FBXL20: variants seen among roughly 807,000 people sequenced by gnomAD.
FBXL20 encodes F-box/LRR-repeat protein 20.
A neutral mutation model predicts 64.0 loss-of-function variants in FBXL20; 11 were observed. That is an observed-to-expected ratio of 0.17 (90% confidence interval 0.11 to 0.28). The LOEUF (loss-of-function observed/expected upper bound fraction) is 0.28, where lower values mean the gene tolerates loss of function less well. Among genes scored for constraint, FBXL20 ranks in the 10% least tolerant of loss-of-function variants. The pLI, the probability that FBXL20 is intolerant of heterozygous loss-of-function variation, is 1.00. For missense variants in FBXL20, 303 were observed against 526.2 expected (o/e 0.58, Z 4.15); for synonymous variants, 184 against 189.0 (o/e 0.97, Z 0.22).
chr17:39,394,568 T>C (rs1275017922), intron 1 of FBXL20, among the ~76,000 whole-genome samples: 2 of 124,736 alleles, frequency 1.6e-5, no homozygotes, highest in African/African-American at 3.9e-5. Context: ...TTTTCTTTTC[T>C]TTTTTTTTTT....
At chr17:39,332,859 A>C (rs973331053) in intron 2 of FBXL20, among the ~76,000 whole-genome samples, 2 of 151,948 alleles carry the variant, frequency 1.3e-5, no homozygotes, top group African/African-American at 2.4e-5. Flanking sequence ...TCTTATAATA[A>C]ACCATAGTTG....
At chr17:39,285,653 A>G in intron 6 of FBXL20, 80 bp from the exon 7 acceptor site, 3 of 859,498 alleles carry the variant, frequency 3.5e-6, no homozygotes, top group East Asian at 2.8e-5. Context: ...TGTTCTTATT[A>G]AACACATGTG....
intron 6 of FBXL20, 72 bp downstream of exon 6, chr17:39,297,055 G>T: frequency 2.9e-6 from 3 of 1,031,158 alleles, no homozygotes; most frequent in Non-Finnish European, 4.3e-6. Flanking sequence ...AGAGTTAATG[G>T]CCTGAATTTA....
intron 2 of FBXL20, among the ~76,000 whole-genome samples, chr17:39,332,781 T>C (rs2144543241): frequency 6.6e-6 from 1 of 152,174 alleles, no homozygotes; most frequent in South Asian, 2.1e-4. Context: ...GACCTCATGA[T>C]CTGCCCACCT....
chr17:39,286,524 T>C (rs569109734), intron 6 of FBXL20, among the ~76,000 whole-genome samples: 1 of 152,294 alleles, frequency 6.6e-6, no homozygotes, highest in East Asian at 1.9e-4. Flanking sequence ...CCAACATTTA[T>C]CAATATTCTA....
chr17:39,303,193 T>C (rs1312460846), intron 3 of FBXL20, among the ~76,000 whole-genome samples: 2 of 151,618 alleles, frequency 1.3e-5, no homozygotes, highest in East Asian at 1.9e-4. Flanking sequence ...AATCCATAGA[T>C]AGCCAGCAGT....
At chr17:39,331,597 C>T (rs1478672454) in intron 2 of FBXL20, among the ~76,000 whole-genome samples, 1 of 152,170 alleles carries the variant, frequency 6.6e-6, no homozygotes, top group East Asian at 1.9e-4. Flanking sequence ...CTCTACTGCC[C>T]TGTGAGCTCC....
At chr17:39,299,401 C>G (rs2047114752) in intron 4 of FBXL20, among the ~76,000 whole-genome samples, 1 of 152,166 alleles carries the variant, frequency 6.6e-6, no homozygotes, top group Non-Finnish European at 1.5e-5. Context: ...TACTGAAAGA[C>G]AGCAACTACA....
In FBXL20 at chr17:39,265,400, T is replaced by A; in HGVS notation, c.987A>T (p.Val329=). The change falls in exon 13 of 15, where the codon GTA becomes GTT. Residue 329 remains valine (V), a synonymous_variant. Coordinates refer to ENST00000264658, the MANE Select transcript of FBXL20 (RefSeq NM_032875.3). ...AAGTTTTCAAAGTTAAACTCACCAA[T>A]ACTTGAAGTCGAGGACAGTGTATAG... is the stretch of plus-strand genomic sequence containing the variant. The part of the protein sequence containing the change: ...QLSIHCPRLQ[V]LSLSHCELIT... 6.2e-7 allele frequency: 1 copy of A among 1,608,498 alleles called. No individual in the cohort carries two copies. Among genetic ancestry groups the A allele is most frequent in the Non-Finnish European group, 8.5e-7 (1 of 1,175,844 alleles).
chr17:39,381,262 G>C (rs185171954), intron 1 of FBXL20, among the ~76,000 whole-genome samples: 392 of 151,954 alleles, frequency 2.6e-3, no homozygotes, highest in African/African-American at 9.0e-3. Flanking sequence ...GACTGCTTGA[G>C]CGTAGGAGTT....
chr17:39,366,383 G>A (rs1021759132), intron 1 of FBXL20, among the ~76,000 whole-genome samples: 3 of 151,946 alleles, frequency 2.0e-5, no homozygotes, highest in African/African-American at 7.3e-5. Flanking sequence ...GTTTTTCTCT[G>A]GTGCTAAACA....
chr17:39,401,588 C>T lies in FBXL20; in HGVS notation c.-186G>A. 1 of 1,398,036 alleles carries T rather than the reference C, an allele frequency of 7.2e-7. No homozygotes were observed. The highest frequency in any genetic ancestry group is 9.2e-7 in the Non-Finnish European group (1 of 1,083,972). The allele number at this position is 1,398,036 out of a possible 1,614,324, so 86.6% of individuals were successfully genotyped here. A position where few individuals can be genotyped will look rare whatever the true frequency, so the allele number is the denominator to read the frequency against. On this transcript the variant is annotated 5_prime_UTR_variant, in exon 1 of 15. Coordinates refer to ENST00000264658, the MANE Select transcript of FBXL20 (RefSeq NM_032875.3). ...CCTCCACCACCTCCCGCGGCGCCGG[C>T]GGCCGCAACGACTGCTCGTCGCTAG...
At chr17:39,329,603 A>G (rs546852446) in intron 2 of FBXL20, among the ~76,000 whole-genome samples, 1 of 152,248 alleles carries the variant, frequency 6.6e-6, no homozygotes, top group East Asian at 1.9e-4. Flanking sequence ...TCTTAGATAT[A>G]TATGTATATA....
intron 2 of FBXL20, among the ~76,000 whole-genome samples, chr17:39,324,327 C>G (rs1277200376): frequency 6.7e-6 from 1 of 149,136 alleles, no homozygotes; most frequent in Non-Finnish European, 1.5e-5. Flanking sequence ...CTCACACTGT[C>G]ACCTAGGCTG....
chr17:39,312,133 C>A (rs1315519978), intron 2 of FBXL20, among the ~76,000 whole-genome samples: 1 of 152,044 alleles, frequency 6.6e-6, no homozygotes. Context: ...GTAGTAAGAA[C>A]TGGCCGGGCA....
At chr17:39,354,230 C>T (rs2047714734) in intron 1 of FBXL20, among the ~76,000 whole-genome samples, 1 of 152,126 alleles carries the variant, frequency 6.6e-6, no homozygotes, top group Non-Finnish European at 1.5e-5. Context: ...TGAAGTCTAC[C>T]AACGGGGAAA....
rs562505848 is a variant in FBXL20 at position 39,268,637 on chromosome 17, A to G, written c.933+190T>C. ...CTAATGGCAACCTGATTGATGGCAT[A>G]TATTTCCACAGTTCTGCAACACATA... is the stretch of plus-strand genomic sequence containing the variant. On this transcript the variant is annotated intron_variant, in intron 12 of 14. Transcript: ENST00000264658. Among the ~76,000 whole-genome samples, 42 of 152,282 alleles carry G rather than the reference A, an allele frequency of 2.8e-4. No homozygotes were observed. In the South Asian group the frequency reaches 6.2e-3, roughly 23 times the overall value.
chr17:39,270,431 C>A (rs2046833821), intron 11 of FBXL20, among the ~76,000 whole-genome samples: 1 of 152,056 alleles, frequency 6.6e-6, no homozygotes, highest in African/African-American at 2.4e-5. Context: ...GTAATCCCAG[C>A]TACTCGGGAG....
chr17:39,283,323 A>G (rs1284433767), intron 7 of FBXL20, among the ~76,000 whole-genome samples: 2 of 152,244 alleles, frequency 1.3e-5, no homozygotes, highest in East Asian at 3.8e-4. Flanking sequence ...CATTATACTT[A>G]CATAGCTGAG....
Sources: gnomAD v4.1 joint callset for allele counts (sites outside exome capture counted in the v4.1 genomes callset) on GRCh38, gnomAD v4.1.1 for gene constraint, MANE v1.5 for transcripts, NCBI Gene and HGNC (gene_info 2026-07-23, HGNC 2026-07-21) for gene names.